The following EDARADD variants were observed in gnomAD, a reference collection of about 807,000 sequenced individuals.
EDARADD encodes the protein ectodysplasin-A receptor-associated adapter protein.
In EDARADD, 20 loss-of-function variants were observed where a neutral mutation model predicts 25.6. The observed-to-expected ratio is 0.78, with a 90% CI of 0.55 to 1.14. The LOEUF is 1.14. Ranked by LOEUF, EDARADD falls within the 50% of genes most tolerant of loss-of-function variation. The pLI is 0.00. For synonymous variants in EDARADD, 86 were observed against 94.4 expected, an observed-to-expected ratio of 0.91 and a Z score of 0.52; for missense variants, 225 against 270.1, an observed-to-expected ratio of 0.83 and a Z score of 1.17.
At chr1:236,459,782 T>C (rs1658989734) in intron 4 of EDARADD, among the ~76,000 whole-genome samples, 1 of 151,880 alleles carries the variant, frequency 6.6e-6, no homozygotes, top group Non-Finnish European at 1.5e-5. Context: ...CCAGCCAATT[T>C]TTTGTATTTT....
intron 4 of EDARADD, among the ~76,000 whole-genome samples, chr1:236,428,149 T>C (rs1475051879): frequency 6.6e-6 from 1 of 152,012 alleles, no homozygotes; most frequent in Admixed American, 6.6e-5. Context: ...CCCTGGGTAC[T>C]TGAGATTAGG....
intron 2 of EDARADD, among the ~76,000 whole-genome samples, chr1:236,413,669 T>C (rs2103010059): frequency 6.6e-6 from 1 of 152,342 alleles, no homozygotes; most frequent in African/African-American, 2.4e-5. Context: ...AAAAGAAATA[T>C]ATGTGATTGT....
At chr1:236,463,706 G>C (rs920945488) in intron 4 of EDARADD, among the ~76,000 whole-genome samples, 7 of 152,172 alleles carry the variant, frequency 4.6e-5, no homozygotes, top group Non-Finnish European at 8.8e-5. Context: ...CTGAAATTCT[G>C]TACCCATTGA....
rs574721648 is a variant in EDARADD at position 236,483,161 on chromosome 1, C to T, written c.*512C>T. ...CAATGAGACCCAGTGGCTAGAAATT[C>T]ACCATGTCTATTCTCAAGATCCATG... On this transcript the variant is annotated 3_prime_UTR_variant, in exon 6 of 6. Coordinates refer to ENST00000334232, the MANE Select transcript of EDARADD (RefSeq NM_145861.4). 1.9e-6 allele frequency: 3 copies of T among 1,543,110 alleles called. No individual in the cohort carries two copies. The highest frequency in any genetic ancestry group is 1.4e-5 in the African/African-American group (1 of 73,516).
chr1:236,470,934 G>T (rs1659343469), intron 5 of EDARADD, among the ~76,000 whole-genome samples: 2 of 152,132 alleles, frequency 1.3e-5, no homozygotes, highest in African/African-American at 4.8e-5. Context: ...GTAAGGACGG[G>T]GGTTCCCCAT....
Position 236,425,970 on chromosome 1 carries a change from CT to C in EDARADD, c.161-1412del, listed in dbSNP as rs146276703. ...GTTTCTTTTCTTTTATTTTTCTTAT[CT>C]TTTTTTTTTATTTTTTTATTTTTGG... On this transcript the variant is annotated intron_variant, in intron 3 of 5. Coordinates refer to ENST00000334232, the MANE Select transcript of EDARADD (RefSeq NM_145861.4). Among the ~76,000 whole-genome samples, 35 of 150,270 alleles carry C rather than the reference CT, an allele frequency of 2.3e-4. No individual in the cohort carries two copies. The East Asian group carries it at 4.5e-3, about 19-fold the overall frequency.
intron 3 of EDARADD, among the ~76,000 whole-genome samples, chr1:236,376,567 G>T (rs1029054466): frequency 1.1e-4 from 17 of 152,004 alleles, no homozygotes; most frequent in Admixed American, 9.2e-4. Flanking sequence ...TAAATAAGGT[G>T]TTTTTTCTCT....
At chr1:236,468,335 A>C in intron 5 of EDARADD, 59 bp downstream of exon 5, 1 of 1,574,078 alleles carries the variant, frequency 6.4e-7, no homozygotes, top group Non-Finnish European at 8.7e-7. Context: ...AATAAAAGAT[A>C]ATTTGAGGCC....
chr1:236,447,457 T>C (rs1042345676), intron 4 of EDARADD, among the ~76,000 whole-genome samples: 1 of 152,012 alleles, frequency 6.6e-6, no homozygotes, highest in African/African-American at 2.4e-5. Flanking sequence ...GGTTTTGCCA[T>C]ATTGGCCAGG....
At chr1:236,458,697 GC>G (rs1364441147) in intron 4 of EDARADD, among the ~76,000 whole-genome samples, 1 of 127,952 alleles carries the variant, frequency 7.8e-6, no homozygotes, top group African/African-American at 3.0e-5. Flanking sequence ...AGGCTGGAAT[GC>G]GATGGCCCAG....
chr1:236,361,162 T>C (rs996097194), intron 3 of EDARADD, among the ~76,000 whole-genome samples: 1 of 152,138 alleles, frequency 6.6e-6, no homozygotes, highest in Non-Finnish European at 1.5e-5. Context: ...AACATTACCA[T>C]ATTGAAGACA....
chr1:236,465,485 T>C (rs1659162542), intron 4 of EDARADD, among the ~76,000 whole-genome samples: 1 of 152,180 alleles, frequency 6.6e-6, no homozygotes, highest in African/African-American at 2.4e-5. Flanking sequence ...AAGTCCCCAC[T>C]GCCCAGATTT....
intron 4 of EDARADD, among the ~76,000 whole-genome samples, chr1:236,452,556 C>T (rs530771657): frequency 5.9e-5 from 9 of 152,228 alleles, no homozygotes; most frequent in African/African-American, 2.2e-4. Context: ...TCTCCTTCAC[C>T]TTCTACCATG....
intron 3 of EDARADD, among the ~76,000 whole-genome samples, chr1:236,353,586 G>C (rs1175613875): frequency 6.8e-6 from 1 of 146,376 alleles, no homozygotes; most frequent in Non-Finnish European, 1.5e-5. Flanking sequence ...GGCTGAGGCA[G>C]ATAATTACTT....
chr1:236,403,690 A>T (rs1161182240), intron 1 of EDARADD, among the ~76,000 whole-genome samples: 1 of 152,124 alleles, frequency 6.6e-6, no homozygotes, highest in Non-Finnish European at 1.5e-5. Context: ...CAGGAAGGGG[A>T]TGCAGAGGTG....
intron 3 of EDARADD, among the ~76,000 whole-genome samples, chr1:236,363,806 G>C (rs1289601592): frequency 6.6e-6 from 1 of 152,022 alleles, no homozygotes; most frequent in Non-Finnish European, 1.5e-5. Flanking sequence ...CCCAGCAGAT[G>C]CCATCATTGT....
intron 1 of EDARADD, among the ~76,000 whole-genome samples, chr1:236,405,807 TC>T (rs1667709981): frequency 7.8e-6 from 1 of 128,892 alleles, no homozygotes; most frequent in African/African-American, 2.9e-5. Context: ...TTTCTTTCTT[TC>T]TTTCCTTCCT....
intron 4 of EDARADD, among the ~76,000 whole-genome samples, chr1:236,436,396 A>G (rs1658251626): frequency 1.3e-5 from 2 of 152,044 alleles, no homozygotes; most frequent in Non-Finnish European, 2.9e-5. Flanking sequence ...TCCTGGCCTC[A>G]GGTGATCTGC....
chr1:236,362,107 G>A (rs1035665185), intron 3 of EDARADD, among the ~76,000 whole-genome samples: 2 of 151,930 alleles, frequency 1.3e-5, no homozygotes, highest in Non-Finnish European at 2.9e-5. Context: ...ACAGGATTTC[G>A]CTTTGTCATC....
Sources: allele counts gnomAD v4.1 joint callset (sites outside exome capture counted in the v4.1 genomes callset), GRCh38; gene constraint gnomAD v4.1.1; transcripts MANE v1.5; gene names NCBI Gene and HGNC (gene_info 2026-07-23, HGNC 2026-07-21).